The following URGCP variants were observed in gnomAD, a reference collection of about 807,000 sequenced individuals.
The protein encoded by URGCP is up-regulator of cell proliferation.
In URGCP, 13 loss-of-function variants were observed where a neutral mutation model predicts 24.6. That is an observed-to-expected ratio of 0.53 (90% CI 0.34 to 0.84). The LOEUF (loss-of-function observed/expected upper bound fraction) is 0.84. Among genes scored for constraint, URGCP ranks in the 40% least tolerant of loss-of-function variants. The pLI, the probability that URGCP is intolerant of heterozygous loss-of-function variation, is 0.01. For synonymous variants in URGCP, 444 were observed against 487.2 expected, an observed-to-expected ratio of 0.91 and a Z score of 1.17; for missense variants, 899 against 1,194.3, an observed-to-expected ratio of 0.75 and a Z score of 3.64.
chr7:43,883,343 TATATATATATATATA>T (rs2095857074), intron 3 of URGCP, among the ~76,000 whole-genome samples: 2 of 98,582 alleles, frequency 2.0e-5, no homozygotes, highest in African/African-American at 1.0e-4. Flanking sequence ...TATACATATA[TATATATATATATATA>T]TATATTTTTT....
chr7:43,903,562 C>T (rs2095895509), intron 1 of URGCP, among the ~76,000 whole-genome samples: 1 of 151,994 alleles, frequency 6.6e-6, no homozygotes, highest in Non-Finnish European at 1.5e-5. Flanking sequence ...ACACAGCTAA[C>T]CCAGGTTAAA....
intron 5 of URGCP, among the ~76,000 whole-genome samples, chr7:43,880,372 G>A (rs1274892493): frequency 6.6e-6 from 1 of 152,192 alleles, no homozygotes; most frequent in Non-Finnish European, 1.5e-5. Flanking sequence ...TACCTCTGAA[G>A]ATTCCATTCA....
intron 1 of URGCP, among the ~76,000 whole-genome samples, chr7:43,922,980 T>C (rs1783023923): frequency 2.0e-5 from 3 of 151,666 alleles, no homozygotes; most frequent in African/African-American, 7.3e-5. Context: ...TCTCTCTCTC[T>C]TACTTTCTTT....
intron 1 of URGCP, among the ~76,000 whole-genome samples, chr7:43,905,062 C>A (rs185587543): frequency 6.6e-6 from 1 of 152,092 alleles, no homozygotes; most frequent in African/African-American, 2.4e-5. Flanking sequence ...TAATCACAAC[C>A]GCAAATACCA....
chr7:43,890,213 C>CTT (rs543947365), intron 1 of URGCP, among the ~76,000 whole-genome samples: 10,163 of 108,736 alleles, frequency 0.093, 676 homozygotes, highest in Non-Finnish European at 0.14. Flanking sequence ...CCACTGGAAA[C>CTT]TTTTTTTTTT....
intron 1 of URGCP, among the ~76,000 whole-genome samples, chr7:43,904,434 AG>A (rs937460229): frequency 3.9e-5 from 6 of 152,234 alleles, no homozygotes; most frequent in African/African-American, 1.4e-4. Flanking sequence ...AGCCCAGTCC[AG>A]ATCACCAGTC....
At chr7:43,905,761 G>T (rs975995315) in intron 1 of URGCP, 1 of 152,162 alleles carries the variant, frequency 6.6e-6, no homozygotes, top group African/African-American at 2.4e-5. Context: ...TTTGTAAAAT[G>T]AAAGTGTTGG....
At chr7:43,926,349 G>C in exon 1 of URGCP, 1 of 295,756 alleles carries the variant, frequency 3.4e-6, no homozygotes, top group Non-Finnish European at 5.7e-6. Flanking sequence ...AACCCGGGCA[G>C]CCCCGCTGCT....
rs1449282721 is a variant in URGCP, at chr7:43,878,291, C to T, written c.1172G>A (p.Arg391His). The T allele has an allele frequency of 2.5e-6, 4 of 1,614,192 alleles. No individual in the cohort carries two copies. Among genetic ancestry groups the T allele is most frequent in the East Asian group, 2.2e-5 (1 of 44,888 alleles). ...TCTCAGGTTTGTGTTGCGCTTCCCA[C>T]GGTAGGGACTCAGGATGAAGTAGTA... is the stretch of plus-strand genomic sequence containing the variant. ...TKYYFILSPY[R>H]GKRNTNLRFL... Residue 391 changes from arginine to histidine, a missense_variant, in exon 6 of 6, where the codon CGT (arginine) becomes CAT (histidine). Arg to His is a conservative substitution (Grantham distance 29, BLOSUM62 0). Transcript: ENST00000453200. This position sits in a 1 kb window ranked among gnomAD's most constrained non-coding sequence, Gnocchi z 5.6.
chr7:43,919,548 A>G, intron 1 of URGCP: 1 of 1,393,874 alleles, frequency 7.2e-7, no homozygotes, highest in South Asian at 1.2e-5. Context: ...ATCAGTGGCC[A>G]GCGTGAGGAA....
At chr7:43,901,322 C>T (rs2132703432) in intron 1 of URGCP, among the ~76,000 whole-genome samples, 1 of 152,324 alleles carries the variant, frequency 6.6e-6, no homozygotes, top group South Asian at 2.1e-4. Flanking sequence ...TGTTGCATCC[C>T]ATGAAGTCCT....
At chr7:43,903,495 C>T (rs2095895393) in intron 1 of URGCP, among the ~76,000 whole-genome samples, 1 of 152,004 alleles carries the variant, frequency 6.6e-6, no homozygotes, top group South Asian at 2.1e-4. Flanking sequence ...TATACTTGAT[C>T]TTTATTTATT....
chr7:43,901,721 T>C (rs1277426470), intron 1 of URGCP, among the ~76,000 whole-genome samples: 1 of 152,176 alleles, frequency 6.6e-6, no homozygotes, highest in Non-Finnish European at 1.5e-5. Context: ...AGAGGGCCTG[T>C]GAGCTCTAGG....
At chr7:43,883,358 ATATATTT>A (rs2095857443) in intron 3 of URGCP, among the ~76,000 whole-genome samples, 1 of 95,870 alleles carries the variant, frequency 1.0e-5, no homozygotes, top group Non-Finnish European at 1.9e-5. Context: ...ATATATATAT[ATATATTT>A]TTTTTTTTTT....
In URGCP at chr7:43,877,683, G is replaced by A; in HGVS notation, c.1780C>T (p.Pro594Ser). 1 of 1,613,942 alleles carries A rather than the reference G, an allele frequency of 6.2e-7. No homozygotes were observed. Among genetic ancestry groups the A allele is most frequent in the Non-Finnish European group, 8.5e-7 (1 of 1,179,996 alleles). Residue 594 changes from proline (P) to serine (S), a missense_variant, in exon 6 of 6, where the codon CCA (proline) becomes TCA (serine). Physicochemically the swap from Pro to Ser is moderately conservative, Grantham distance 74. Transcript: ENST00000453200. ...QPPETLLTLRPKHGGTTDVGE... is the reference protein window; with the variant it reads ...QPPETLLTLRSKHGGTTDVGE... ...ACGTCTGTGGTGCCCCCATGCTTTG[G>A]TCTCAGGGTGAGAAGCGTCTCCGGA...
chr7:43,886,492 C>T (rs945608026), intron 3 of URGCP, among the ~76,000 whole-genome samples: 4 of 152,156 alleles, frequency 2.6e-5, no homozygotes, highest in African/African-American at 9.7e-5. Flanking sequence ...GTGGCTCACG[C>T]CTGTAATCCC....
At chr7:43,919,832 G>T in intron 1 of URGCP, 2 of 1,271,800 alleles carry the variant, frequency 1.6e-6, no homozygotes, top group Non-Finnish European at 2.3e-6. Flanking sequence ...GGCGCATGAT[G>T]GCCAACCACA....
rs77144342 is a variant in URGCP, at chr7:43,876,532, G to C, written c.*135C>G. ...CACTGTTGAGGAGACTCCAAACCCT[G>C]TCTTTTCCTCGTCTTCTCATGTCGA... On this transcript the variant is annotated 3_prime_UTR_variant, in exon 6 of 6. Transcript: ENST00000453200. 1 of 953,904 alleles carries C rather than the reference G, an allele frequency of 1.0e-6. No individual in the cohort carries two copies. The highest frequency in any genetic ancestry group is 1.6e-5 in the South Asian group (1 of 62,962). The allele number at this position is 953,904 out of a possible 1,614,324, so 59.1% of individuals were successfully genotyped here. A position where few individuals can be genotyped will look rare whatever the true frequency, so the allele number is the denominator to read the frequency against.
chr7:43,877,986 C>T lies in URGCP; in HGVS notation c.1477G>A (p.Glu493Lys), dbSNP rs753806317. Residue 493 changes from glutamate (E) to lysine (K), a missense_variant, in exon 6 of 6, where the codon GAG (glutamate) becomes AAG (lysine). Transcript: ENST00000453200. ...IKDSDAYRRD[E>K]LRLQGDPWRK... Reference sequence around the variant, plus strand: ...CAGGGGTCCCCCTGCAGCCTCAGCTCGTCCCTTCTGTAGGCATCCGAGTCT... The same window carrying T: ...CAGGGGTCCCCCTGCAGCCTCAGCTTGTCCCTTCTGTAGGCATCCGAGTCT... 6.2e-7 allele frequency: 1 copy of T among 1,614,252 alleles called. No individual in the cohort carries two copies. Among genetic ancestry groups the T allele is most frequent in the South Asian group, 1.1e-5 (1 of 91,086 alleles).
Sources: gnomAD v4.1 joint callset for allele counts (sites outside exome capture counted in the v4.1 genomes callset) on GRCh38, gnomAD v4.1.1 for gene constraint, Gnocchi (gnomAD v3.1) non-coding constraint, MANE v1.5 for transcripts, NCBI Gene and HGNC (gene_info 2026-07-23, HGNC 2026-07-21) for gene names.